Variants in CENPP observed in about 807,000 individuals in gnomAD.
The protein encoded by CENPP is centromere protein P.
Under a neutral mutation model 35.6 loss-of-function variants are expected in CENPP, and 24 were observed. The ratio of observed to expected loss-of-function variants is 0.67; its 90% CI spans 0.49 to 0.95. The LOEUF is 0.95. CENPP is among the 40% of genes least tolerant of loss of function. The pLI, the probability that CENPP is intolerant of heterozygous loss-of-function variation, is 0.00. For missense variants in CENPP, 332 were observed against 345.3 expected, an observed-to-expected ratio of 0.96 and a Z score of 0.31; for synonymous variants, 120 against 125.5, an observed-to-expected ratio of 0.96 and a Z score of 0.29.
chr9:92,420,850 C>T (rs988481123), intron 5 of CENPP, among the ~76,000 whole-genome samples: 3 of 149,140 alleles, frequency 2.0e-5, no homozygotes, highest in East Asian at 1.9e-4. Context: ...CTGTGAGATT[C>T]GTGGAAGATG....
intron 5 of CENPP, among the ~76,000 whole-genome samples, chr9:92,511,282 C>T (rs564655935): frequency 3.9e-5 from 6 of 152,024 alleles, no homozygotes; most frequent in Non-Finnish European, 7.4e-5. Flanking sequence ...CATGCCACCA[C>T]GCTCGGCTAA....
chr9:92,340,893 G>C (rs1333809742), intron 3 of CENPP, among the ~76,000 whole-genome samples: 1 of 152,188 alleles, frequency 6.6e-6, no homozygotes, highest in African/African-American at 2.4e-5. Context: ...ATTGTTCAGG[G>C]AATAAGAGAG....
intron 5 of CENPP, among the ~76,000 whole-genome samples, chr9:92,396,346 T>C (rs902024013): frequency 4.6e-5 from 7 of 151,968 alleles, no homozygotes; most frequent in African/African-American, 1.7e-4. Context: ...TTTATATTTT[T>C]ATATATATTT....
At chr9:92,408,462 G>T (rs1843364896) in intron 5 of CENPP, among the ~76,000 whole-genome samples, 1 of 152,178 alleles carries the variant, frequency 6.6e-6, no homozygotes. Context: ...GGGATTACAG[G>T]TGTGAGCCAT....
chr9:92,617,998 T>C lies in CENPP; in HGVS notation c.*4849T>C. On this transcript the variant is annotated 3_prime_UTR_variant, in exon 8 of 8. Coordinates refer to ENST00000375587, the MANE Select transcript of CENPP (RefSeq NM_001012267.3). Reference sequence around the variant, plus strand: ...GCAAATTAGTCTAGGGATCTAAATTTAGTCTCAGGTCTACCAGGTATCTCA... The same window carrying C: ...GCAAATTAGTCTAGGGATCTAAATTCAGTCTCAGGTCTACCAGGTATCTCA... 2.9e-6 allele frequency: 1 copy of C among 342,784 alleles called. No individual in the cohort carries two copies. The highest frequency in any genetic ancestry group is 5.8e-6 in the Non-Finnish European group (1 of 172,862). The allele number at this position is 342,784 out of a possible 1,614,324, so 21.2% of individuals were successfully genotyped here.
intron 5 of CENPP, among the ~76,000 whole-genome samples, chr9:92,562,072 T>C (rs1302955602): frequency 6.6e-6 from 1 of 152,210 alleles, no homozygotes; most frequent in East Asian, 1.9e-4. Flanking sequence ...ATGGCTTCAA[T>C]GCCTGAATTT....
chr9:92,552,100 T>C (rs1033754319), intron 5 of CENPP, among the ~76,000 whole-genome samples: 4 of 137,700 alleles, frequency 2.9e-5, no homozygotes, highest in Non-Finnish European at 6.3e-5. Flanking sequence ...ATATGATAGA[T>C]CTATCATATA....
chr9:92,476,322 G>T lies in CENPP; in HGVS notation c.564+96463G>T, dbSNP rs1206071801. 6.6e-6 allele frequency among the ~76,000 whole-genome samples: 1 copy of T among 151,928 alleles called. No homozygotes were observed. The highest frequency in any genetic ancestry group is 1.5e-5 in the Non-Finnish European group (1 of 67,996). ...AAATCAGCTTTAACATCTCTCCATGGGCCTGCTTTTTCCTGGATTTAAAAA... is the reference window on the plus strand; with the variant it reads ...AAATCAGCTTTAACATCTCTCCATGTGCCTGCTTTTTCCTGGATTTAAAAA... On this transcript the variant is annotated intron_variant, in intron 5 of 7. Coordinates refer to ENST00000375587, the MANE Select transcript of CENPP (RefSeq NM_001012267.3). This position sits in a 1 kb window ranked among gnomAD's most constrained non-coding sequence, Gnocchi z 4.1.
intron 5 of CENPP, chr9:92,517,873 T>C: frequency 6.2e-7 from 1 of 1,613,750 alleles, no homozygotes; most frequent in South Asian, 1.1e-5. Flanking sequence ...TGTCCCTTCT[T>C]TCCTAGAAGA....
At position 92,579,460 on chromosome 9, in the gene CENPP, A is replaced by G. The variant is rs1293335210; in HGVS notation, c.565-31854A>G. Among the ~76,000 whole-genome samples, 15 of 150,082 alleles carry G rather than the reference A, an allele frequency of 1.0e-4. 1 individual carries two copies. The highest frequency in any genetic ancestry group is 3.0e-5 in the Non-Finnish European group (2 of 67,186). ...ATGGAATGTTCTTCCATTTGTTTGT[A>G]TCCTCTTTTATTTCGTTGAGCAGTG... On this transcript the variant is annotated intron_variant, in intron 5 of 7. Transcript: ENST00000375587.
intron 5 of CENPP, among the ~76,000 whole-genome samples, chr9:92,410,995 G>A (rs1843429484): frequency 6.6e-6 from 1 of 151,704 alleles, no homozygotes; most frequent in African/African-American, 2.4e-5. Flanking sequence ...TTCCTTTTGA[G>A]ACAGAGTCTC....
At chr9:92,505,523 A>G (rs1296044395) in intron 5 of CENPP, 3 of 1,577,898 alleles carry the variant, frequency 1.9e-6, no homozygotes, top group African/African-American at 2.8e-5. Flanking sequence ...CTAAAAAAAT[A>G]TATTGTTACC....
intron 5 of CENPP, among the ~76,000 whole-genome samples, chr9:92,386,891 A>G (rs1461411803): frequency 6.6e-6 from 1 of 151,596 alleles, no homozygotes; most frequent in East Asian, 1.9e-4. Context: ...CTAAAAAAAT[A>G]CAAAAAATTA....
chr9:92,343,287 T>G (rs548127803), intron 3 of CENPP, among the ~76,000 whole-genome samples: 8 of 152,212 alleles, frequency 5.3e-5, no homozygotes, highest in Non-Finnish European at 1.2e-4. Flanking sequence ...GTGCAGCTAT[T>G]GTTGTCCAAG....
At chr9:92,588,770 TA>T (rs1448712745) in intron 5 of CENPP, among the ~76,000 whole-genome samples, 1 of 152,102 alleles carries the variant, frequency 6.6e-6, no homozygotes, top group Non-Finnish European at 1.5e-5. Flanking sequence ...GGTGAGAATG[TA>T]AAGAAGGTGG....
chr9:92,467,971 C>G (rs192662297), intron 5 of CENPP, among the ~76,000 whole-genome samples: 9 of 152,266 alleles, frequency 5.9e-5, no homozygotes, highest in African/African-American at 2.2e-4. Flanking sequence ...CTTGGTGGAT[C>G]ATCAAGATGG....
chr9:92,520,383 A>T (rs1438560810), intron 5 of CENPP, among the ~76,000 whole-genome samples: 1 of 152,218 alleles, frequency 6.6e-6, no homozygotes, highest in Non-Finnish European at 1.5e-5. Context: ...TAACATCATT[A>T]GTTGTTAGGG....
intron 5 of CENPP, among the ~76,000 whole-genome samples, chr9:92,542,479 G>T (rs2131310936): frequency 6.6e-6 from 1 of 150,576 alleles, no homozygotes; most frequent in Non-Finnish European, 1.5e-5. Flanking sequence ...CAATATCATG[G>T]AGCATTTCCC....
intron 5 of CENPP, chr9:92,417,451 A>T: frequency 1.2e-6 from 2 of 1,614,060 alleles, no homozygotes; most frequent in Non-Finnish European, 8.5e-7. Flanking sequence ...GGTAATCATC[A>T]TCTGGCTCTT....
Sources: gnomAD v4.1 joint callset for allele counts (sites outside exome capture counted in the v4.1 genomes callset) on GRCh38, gnomAD v4.1.1 for gene constraint, Gnocchi (gnomAD v3.1) non-coding constraint, MANE v1.5 for transcripts, NCBI Gene and HGNC (gene_info 2026-07-23, HGNC 2026-07-21) for gene names.